The following TRAP1 variants were observed in gnomAD, a reference collection of about 807,000 sequenced individuals.
TRAP1 encodes the protein heat shock protein 75 kDa, mitochondrial.
In TRAP1, 102 loss-of-function variants were observed where a neutral mutation model predicts 89.1. The ratio of observed to expected loss-of-function variants is 1.15; its 90% confidence interval spans 0.98 to 1.35. TRAP1 has a LOEUF of 1.35. Among genes scored for constraint, TRAP1 ranks in the 40% most tolerant of loss-of-function variants. The pLI, the probability that TRAP1 is intolerant of heterozygous loss-of-function variation, is 0.00. For missense variants in TRAP1, 1,256 were observed against 945.3 expected (o/e 1.33, Z -4.31); for synonymous variants, 508 against 388.0 (o/e 1.31, Z -3.64).
rs777754527 is a variant in TRAP1, at chr16:3,664,340, G to C, written c.1503C>G (p.Cys501Trp). 2 of 1,612,648 alleles carry C rather than the reference G, an allele frequency of 1.2e-6. No individual in the cohort carries two copies. Among genetic ancestry groups the C allele is most frequent in the African/African-American group, 1.3e-5 (1 of 74,982 alleles). Reference protein sequence around the residue: ...RAGTRNIYYLCAPNRHLAEHS... With the variant: ...RAGTRNIYYLWAPNRHLAEHS... ...GCTCTGCCAGGTGACGGTTGGGGGC[G>C]CACAGGTAGTAGATGTTGCGGGTGC... Residue 501 changes from cysteine (C) to tryptophan (W), a missense_variant, in exon 13 of 18, where the codon TGC (cysteine) becomes TGG (tryptophan). Physicochemically the swap from Cys to Trp is radical, Grantham distance 215 (BLOSUM62 -2). Transcript: ENST00000246957.
At chr16:3,667,626 AAAAT>A (rs772073639) in intron 11 of TRAP1, among the ~76,000 whole-genome samples, 169 of 151,510 alleles carry the variant, frequency 1.1e-3, no homozygotes, top group African/African-American at 3.0e-3. Flanking sequence ...CTCCATCTCA[AAAAT>A]AAATAAATAA....
intron 12 of TRAP1, chr16:3,664,725 C>G (rs1255594131): frequency 4.7e-6 from 2 of 427,952 alleles, no homozygotes; most frequent in Non-Finnish European, 8.3e-6. Context: ...GCACCACGCC[C>G]TGGGAGGGGA....
intron 14 of TRAP1, 87 bp from the exon 15 acceptor site, chr16:3,663,054 C>G: frequency 1.0e-6 from 1 of 1,003,028 alleles, no homozygotes; most frequent in Non-Finnish European, 1.5e-6. Flanking sequence ...TTCCAGCTCC[C>G]ACCTCCTCTC....
chr16:3,666,931 G>C (rs998802125), intron 11 of TRAP1, among the ~76,000 whole-genome samples: 1 of 152,104 alleles, frequency 6.6e-6, no homozygotes, highest in African/African-American at 2.4e-5. Flanking sequence ...CCTTTAAGCA[G>C]GTAAATTACA....
chr16:3,661,766 G>C, intron 16 of TRAP1: 2 of 452,052 alleles, frequency 4.4e-6, no homozygotes, highest in Non-Finnish European at 7.5e-6. Flanking sequence ...CACAGGCTGG[G>C]ATGTGGCTAA....
At chr16:3,684,561 G>A (rs985013311) in intron 4 of TRAP1, among the ~76,000 whole-genome samples, 2 of 152,050 alleles carry the variant, frequency 1.3e-5, no homozygotes, top group Non-Finnish European at 2.9e-5. Flanking sequence ...AGGCCAAGGC[G>A]GGCAGATCAC....
At chr16:3,714,620 C>T (rs2051573748) in intron 1 of TRAP1, among the ~76,000 whole-genome samples, 2 of 152,134 alleles carry the variant, frequency 1.3e-5, no homozygotes, top group Admixed American at 6.5e-5. Context: ...GGTTGCACCA[C>T]TGCACTCCAG....
chr16:3,679,214 C>T (rs1019782667), intron 5 of TRAP1, among the ~76,000 whole-genome samples: 3 of 151,962 alleles, frequency 2.0e-5, no homozygotes, highest in Admixed American at 1.3e-4. Flanking sequence ...TTGCTTGAAC[C>T]GGGAGGCAGA....
rs111942300 is a variant in TRAP1, at chr16:3,677,722, G to A, written c.544-64C>T. ...CCAGAGAGCAGACACTCCCAACACC[G>A]TGGCTCTTCTGCGAGCACCGCTAAG... On this transcript the variant is annotated intron_variant, in intron 5 of 17. Transcript: ENST00000246957. 1.5e-3 allele frequency: 2,411 copies of A among 1,558,432 alleles called. 31 individuals carry two copies. In the African/African-American group the frequency reaches 0.028, roughly 18 times the overall value.
chr16:3,662,148 G>T lies in TRAP1; in HGVS notation c.1795-16C>A, dbSNP rs748143602. 5.6e-6 allele frequency: 9 copies of T among 1,605,994 alleles called. No homozygotes were observed. The highest frequency in any genetic ancestry group is 7.7e-6 in the Non-Finnish European group (9 of 1,175,658). ...GGAGGGTCACCTGTGAGCAAAGCCC[G>T]GGGTTGAGGGTGATAGAGGTTCCCA... On this transcript the variant is annotated splice_polypyrimidine_tract_variant and intron_variant, in intron 15 of 17. Transcript: ENST00000246957.
In TRAP1 at chr16:3,662,147, C is replaced by A. The variant is rs768292446; in HGVS notation, c.1795-15G>T. 3.7e-6 allele frequency: 6 copies of A among 1,607,460 alleles called. No individual in the cohort carries two copies. The highest frequency in any genetic ancestry group is 5.1e-6 in the Non-Finnish European group (6 of 1,176,488). On this transcript the variant is annotated splice_polypyrimidine_tract_variant and intron_variant, in intron 15 of 17. Transcript: ENST00000246957. ...CGGAGGGTCACCTGTGAGCAAAGCC[C>A]GGGGTTGAGGGTGATAGAGGTTCCC...
intron 1 of TRAP1, among the ~76,000 whole-genome samples, chr16:3,711,434 A>G (rs991838572): frequency 1.3e-5 from 2 of 152,058 alleles, no homozygotes; most frequent in African/African-American, 2.4e-5. Flanking sequence ...CTCTACCTCA[A>G]CTAAAAATAC....
intron 1 of TRAP1, among the ~76,000 whole-genome samples, chr16:3,694,000 CAAAA>C (rs36111419): frequency 1.7e-4 from 22 of 132,816 alleles, no homozygotes; most frequent in Non-Finnish European, 1.1e-4. Context: ...GACTCTGTCT[CAAAA>C]AAAAAAAAAA....
intron 16 of TRAP1, 99 bp from the exon 17 acceptor site, chr16:3,658,964 A>C (rs1351362938): frequency 1.6e-6 from 2 of 1,215,568 alleles, no homozygotes; most frequent in African/African-American, 3.0e-5. Flanking sequence ...GAAGCACAGT[A>C]AGACTGTCTG....
chr16:3,702,213 C>A (rs760051049), intron 1 of TRAP1, among the ~76,000 whole-genome samples: 1 of 150,906 alleles, frequency 6.6e-6, no homozygotes, highest in Admixed American at 6.6e-5. Context: ...ATGGACACAT[C>A]GGATGAGGAA....
chr16:3,680,321 G>C (rs1474648745), intron 4 of TRAP1, among the ~76,000 whole-genome samples: 1 of 152,126 alleles, frequency 6.6e-6, no homozygotes, highest in Admixed American at 6.5e-5. Context: ...ACAGCAGAAA[G>C]TTGCTTTGTT....
chr16:3,661,506 A>T (rs2043072535), intron 16 of TRAP1: 1 of 152,780 alleles, frequency 6.5e-6, no homozygotes, highest in Non-Finnish European at 1.5e-5. Flanking sequence ...TCTGACCAAG[A>T]ACCACCGGAG....
In TRAP1 at chr16:3,703,043, G is replaced by GGAAAAAAAAAAAAAAAAAAAAAAA. The variant is rs564433883; in HGVS notation, c.89-12059_89-12058insTTTTTTTTTTTTTTTTTTTTTTTC. ...GAGAACAAGAGTGAAACTCCGTCTT[G>GGAAAAAAAAAAAAAAAAAAAAAAA]AAAAAAAAAAAAAAAAAAAAAAAGC... On this transcript the variant is annotated intron_variant, in intron 1 of 17. Transcript: ENST00000246957. Among the ~76,000 whole-genome samples, 2 of 43,500 alleles carry GGAAAAAAAAAAAAAAAAAAAAAAA rather than the reference G, an allele frequency of 4.6e-5. 1 individual carries two copies. Among genetic ancestry groups the GGAAAAAAAAAAAAAAAAAAAAAAA allele is most frequent in the Admixed American group, 6.1e-4 (2 of 3,290 alleles). The allele number at this position is 43,500 out of a possible 152,430, so 28.5% of individuals were successfully genotyped here.
chr16:3,693,406 CCGGGACATTT>C (rs1411371383), intron 1 of TRAP1, among the ~76,000 whole-genome samples: 4 of 63,078 alleles, frequency 6.3e-5, no homozygotes, highest in Non-Finnish European at 1.7e-4. Flanking sequence ...AAAAAAAATC[CCGGGACATTT>C]CTTCTGGAAT....
Sources: gnomAD v4.1 joint callset for allele counts (sites outside exome capture counted in the v4.1 genomes callset) on GRCh38, gnomAD v4.1.1 for gene constraint, MANE v1.5 for transcripts, NCBI Gene and HGNC (gene_info 2026-07-23, HGNC 2026-07-21) for gene names.